The following NSMCE2 variants were observed in gnomAD, a reference collection of about 807,000 sequenced individuals.
NSMCE2 encodes NSE2 SUMO ligase component of SMC5/6 complex.
In NSMCE2, 24 loss-of-function variants were observed where a neutral mutation model predicts 23.8. That is an observed-to-expected ratio of 1.01 (90% CI 0.73 to 1.42). NSMCE2 has a LOEUF of 1.42. Among genes scored for constraint, NSMCE2 ranks in the 40% most tolerant of loss-of-function variants. NSMCE2 has a pLI of 0.00. For synonymous variants in NSMCE2, 92 were observed against 94.1 expected, an observed-to-expected ratio of 0.98 and a Z score of 0.13; for missense variants, 284 against 296.5, an observed-to-expected ratio of 0.96 and a Z score of 0.31.
chr8:125,249,082 A>G (rs549923211), intron 5 of NSMCE2, among the ~76,000 whole-genome samples: 50 of 152,140 alleles, frequency 3.3e-4, no homozygotes, highest in Admixed American at 2.2e-3. Flanking sequence ...GAGGAACAAG[A>G]ATCTTTTGAA....
chr8:125,222,783 G>A (rs1052971362), intron 5 of NSMCE2, among the ~76,000 whole-genome samples: 1 of 152,102 alleles, frequency 6.6e-6, no homozygotes, highest in South Asian at 2.1e-4. Context: ...ACTCTTAGAG[G>A]CGGGGTGCAG....
chr8:125,183,661 G>GTA (rs1554616311), intron 5 of NSMCE2, among the ~76,000 whole-genome samples: 1 of 151,544 alleles, frequency 6.6e-6, no homozygotes, highest in Non-Finnish European at 1.5e-5. Context: ...GTGTGTGTGT[G>GTA]TATAGTATCT....
At chr8:125,337,701 C>T (rs1212665514) in intron 5 of NSMCE2, among the ~76,000 whole-genome samples, 1 of 151,530 alleles carries the variant, frequency 6.6e-6, no homozygotes, top group Non-Finnish European at 1.5e-5. Context: ...TTGAGACCAG[C>T]CTGACCAACA....
At chr8:125,129,661 TA>T (rs1438969315) in intron 3 of NSMCE2, among the ~76,000 whole-genome samples, 1 of 152,074 alleles carries the variant, frequency 6.6e-6, no homozygotes, top group African/African-American at 2.4e-5. Flanking sequence ...ACATGCAAGT[TA>T]AAAATTGTTT....
chr8:125,158,522 G>C (rs766692040), intron 4 of NSMCE2, among the ~76,000 whole-genome samples: 1 of 152,178 alleles, frequency 6.6e-6, no homozygotes, highest in Non-Finnish European at 1.5e-5. Context: ...ACTCCAGGTA[G>C]GTACTGAGGC....
At chr8:125,105,752 G>A (rs983565936) in intron 3 of NSMCE2, among the ~76,000 whole-genome samples, 3 of 152,248 alleles carry the variant, frequency 2.0e-5, no homozygotes, top group Middle Eastern at 6.8e-3. Flanking sequence ...TTACAAAAAT[G>A]GGCAGTGGGC....
intron 5 of NSMCE2, among the ~76,000 whole-genome samples, chr8:125,316,615 T>C (rs561692928): frequency 8.4e-6 from 1 of 119,182 alleles, no homozygotes; most frequent in African/African-American, 2.5e-5. Context: ...TTTCCTTTCT[T>C]TATTTCCTTC....
intron 4 of NSMCE2, among the ~76,000 whole-genome samples, chr8:125,164,604 A>C (rs1213212471): frequency 2.6e-5 from 4 of 152,228 alleles, no homozygotes; most frequent in Non-Finnish European, 4.4e-5. Flanking sequence ...TGAAGCAAAG[A>C]ATACTGTTAT....
chr8:125,333,948 C>T (rs990479152), intron 5 of NSMCE2, among the ~76,000 whole-genome samples: 1 of 152,150 alleles, frequency 6.6e-6, no homozygotes, highest in Non-Finnish European at 1.5e-5. Flanking sequence ...CAGAGGCCTG[C>T]TCAGAGCTCA....
rs1215709740 is a variant in NSMCE2 at position 125,150,182 on chromosome 8, G to A, written c.158-989G>A. On this transcript the variant is annotated intron_variant, in intron 3 of 7. Coordinates refer to ENST00000287437, the MANE Select transcript of NSMCE2 (RefSeq NM_173685.4). ...TCATGGCCAAGGCTAACCTCCCTTC[G>A]GTCCCAGGCAGCAGGGAGAGATTAC... Among the ~76,000 whole-genome samples the A allele has an allele frequency of 2.6e-5, 4 of 152,038 alleles. No individual in the cohort carries two copies. The South Asian group carries it at 8.3e-4, about 32-fold the overall frequency.
chr8:125,342,865 T>C (rs545152134), intron 5 of NSMCE2, among the ~76,000 whole-genome samples: 1 of 152,268 alleles, frequency 6.6e-6, no homozygotes, highest in Non-Finnish European at 1.5e-5. Context: ...ATTTTGGGGA[T>C]TTCACCCACA....
At chr8:125,191,767 A>T (rs1336520044) in intron 5 of NSMCE2, among the ~76,000 whole-genome samples, 2 of 152,196 alleles carry the variant, frequency 1.3e-5, no homozygotes, top group Admixed American at 6.5e-5. Context: ...CAAACATAAC[A>T]ACAGTAATCT....
intron 5 of NSMCE2, among the ~76,000 whole-genome samples, chr8:125,200,729 C>T (rs1466968358): frequency 6.6e-6 from 1 of 152,134 alleles, no homozygotes; most frequent in African/African-American, 2.4e-5. Flanking sequence ...TGCCTAGCTA[C>T]GTTGGGGAAG....
At chr8:125,272,091 G>C (rs1290020623) in intron 5 of NSMCE2, among the ~76,000 whole-genome samples, 1 of 143,410 alleles carries the variant, frequency 7.0e-6, no homozygotes, top group Non-Finnish European at 1.5e-5. Flanking sequence ...TCAGCTCACT[G>C]CAAGCTCCGC....
intron 5 of NSMCE2, among the ~76,000 whole-genome samples, chr8:125,296,017 AC>A (rs1230028365): frequency 2.0e-5 from 3 of 152,248 alleles, no homozygotes; most frequent in Non-Finnish European, 4.4e-5. Context: ...ATTACAGCTT[AC>A]AGCTTAGATT....
intron 5 of NSMCE2, among the ~76,000 whole-genome samples, chr8:125,351,775 C>A (rs1813045205): frequency 1.3e-5 from 2 of 151,998 alleles, no homozygotes; most frequent in Non-Finnish European, 2.9e-5. Flanking sequence ...CTTTGGGAGG[C>A]CAAGACAGGC....
intron 4 of NSMCE2, among the ~76,000 whole-genome samples, chr8:125,176,847 C>T (rs902148142): frequency 1.3e-5 from 2 of 152,208 alleles, no homozygotes; most frequent in African/African-American, 2.4e-5. Context: ...AACAGCTTTC[C>T]TCTTACCTGG....
chr8:125,267,472 G>C (rs912931709), intron 5 of NSMCE2, among the ~76,000 whole-genome samples: 1 of 152,198 alleles, frequency 6.6e-6, no homozygotes, highest in Non-Finnish European at 1.5e-5. Context: ...ACTGCTAAAG[G>C]AGTTGAATGC....
chr8:125,259,102 A>T (rs1357069218), intron 5 of NSMCE2, among the ~76,000 whole-genome samples: 2 of 152,020 alleles, frequency 1.3e-5, no homozygotes, highest in Non-Finnish European at 2.9e-5. Flanking sequence ...GGGTTTCTCC[A>T]TATTGGTCAG....
Sources: allele counts gnomAD v4.1 joint callset (sites outside exome capture counted in the v4.1 genomes callset), GRCh38; gene constraint gnomAD v4.1.1; transcripts MANE v1.5; gene names NCBI Gene and HGNC (gene_info 2026-07-23, HGNC 2026-07-21).